MTRF1: variants seen among roughly 807,000 people sequenced by gnomAD.
MTRF1 encodes peptide chain release factor 1, mitochondrial.
Under a neutral mutation model 62.9 loss-of-function variants are expected in MTRF1, and 51 were observed. That is an observed-to-expected ratio of 0.81 (90% CI 0.65 to 1.02). The LOEUF (loss-of-function observed/expected upper bound fraction) is 1.02. Ranked by LOEUF, MTRF1 falls within the 50% of genes least tolerant of loss-of-function variation. The pLI, the probability that MTRF1 is intolerant of heterozygous loss-of-function variation, is 0.00. For synonymous variants in MTRF1, 158 were observed against 181.9 expected (o/e 0.87, Z 1.06); for missense variants, 446 against 530.0 (o/e 0.84, Z 1.56).
At chr13:41,219,759 G>A (rs1347632652) in intron 9 of MTRF1, among the ~76,000 whole-genome samples, 1 of 152,152 alleles carries the variant, frequency 6.6e-6, no homozygotes, top group East Asian at 1.9e-4. Context: ...AGCACTTTGG[G>A]AGGCCAAGAC....
chr13:41,253,069 G>A (rs376593975), intron 3 of MTRF1, 39 bp from the exon 4 acceptor site: 120 of 1,433,848 alleles, frequency 8.4e-5, no homozygotes, highest in Middle Eastern at 1.8e-4. Context: ...TATTTTCCCC[G>A]GTACACTATT....
chr13:41,226,425 A>G lies in MTRF1; in HGVS notation c.1125+7T>C. ...GTCACTAAATTATTATACCAAGTAAATCTTACCTGCAGTTTTCTAGCACTT... is the reference window on the plus strand; with the variant it reads ...GTCACTAAATTATTATACCAAGTAAGTCTTACCTGCAGTTTTCTAGCACTT... On this transcript the variant is annotated splice_region_variant and intron_variant, in intron 8 of 9. Transcript: ENST00000379480. 6.2e-7 allele frequency: 1 copy of G among 1,605,972 alleles called. No homozygotes were observed. The highest frequency in any genetic ancestry group is 8.5e-7 in the Non-Finnish European group (1 of 1,178,296).
At position 41,221,156 on chromosome 13, in the gene MTRF1, C is replaced by CTTT. The variant is rs373390151; in HGVS notation, c.1224+2097_1224+2099dup. 3.5e-3 allele frequency among the ~76,000 whole-genome samples: 495 copies of CTTT among 140,764 alleles called. 6 individuals are homozygous for CTTT. The highest frequency in any genetic ancestry group is 0.012 in the African/African-American group (482 of 38,640). The allele number at this position is 140,764 out of a possible 152,430, so 92.3% of individuals were successfully genotyped here. On this transcript the variant is annotated intron_variant, in intron 9 of 9. Transcript: ENST00000379480. ...TGATTTGGTTCCTAAGTTATTCACT[C>CTTT]TTTTTTTTTTTTTTTTCTGAGACAG...
chr13:41,257,977 C>A (rs1218170480), intron 2 of MTRF1, among the ~76,000 whole-genome samples: 1 of 152,096 alleles, frequency 6.6e-6, no homozygotes, highest in Non-Finnish European at 1.5e-5. Context: ...GTAGTAGAGC[C>A]TTTAGAAATG....
chr13:41,260,937 CTT>C, intron 1 of MTRF1, 22 bp from the exon 2 acceptor site: 1 of 1,458,558 alleles, frequency 6.9e-7, no homozygotes, highest in Admixed American at 2.5e-5. Context: ...TAAACACAGT[CTT>C]TAAAAAAAAA....
chr13:41,225,491 C>G (rs2034236241), intron 8 of MTRF1, among the ~76,000 whole-genome samples: 1 of 152,122 alleles, frequency 6.6e-6, no homozygotes, highest in Non-Finnish European at 1.5e-5. Context: ...TATTATTTAT[C>G]CTGTCACTTT....
chr13:41,255,344 G>A (rs891523814), intron 2 of MTRF1, among the ~76,000 whole-genome samples: 2 of 152,090 alleles, frequency 1.3e-5, no homozygotes, highest in Non-Finnish European at 2.9e-5. Flanking sequence ...AGCCTCCCAG[G>A]TAGCTGAGAT....
the MTRF1 span, among the ~76,000 whole-genome samples, chr13:41,290,374 C>T: frequency 5.5e-4 from 82 of 149,468 alleles, no homozygotes; most frequent in African/African-American, 1.9e-3. Flanking sequence ...GCTGGGATTA[C>T]AGGCGTGAGC....
At chr13:41,288,784 A>G in the MTRF1 span, among the ~76,000 whole-genome samples, 6 of 152,348 alleles carry the variant, frequency 3.9e-5, no homozygotes, top group African/African-American at 1.4e-4. Flanking sequence ...AAGCAAATTC[A>G]TGCAATTTTG....
the MTRF1 span, among the ~76,000 whole-genome samples, chr13:41,273,212 G>C: frequency 6.6e-6 from 1 of 151,890 alleles, no homozygotes; most frequent in South Asian, 2.1e-4. Context: ...TGTAGTCCCA[G>C]TTGCTCGGGA....
chr13:41,256,254 T>A (rs956993526), intron 2 of MTRF1, among the ~76,000 whole-genome samples: 7 of 152,158 alleles, frequency 4.6e-5, no homozygotes, highest in African/African-American at 1.7e-4. Context: ...TAAACCAGAC[T>A]TTAGCAGTTA....
the MTRF1 span, among the ~76,000 whole-genome samples, chr13:41,275,099 T>C: frequency 1.3e-5 from 2 of 152,332 alleles, no homozygotes; most frequent in South Asian, 4.1e-4. Context: ...TCTCGAACAG[T>C]TGTTGGCTGA....
intron 2 of MTRF1, among the ~76,000 whole-genome samples, chr13:41,259,712 A>AAAAAACAAAAACAAAAAAAACC (rs57661393): frequency 4.2e-4 from 57 of 136,714 alleles, no homozygotes; most frequent in Admixed American, 1.5e-4. Context: ...AAAAAAAAAA[A>AAAAAACAAAAACAAAAAAAACC]AAAAAAAAAC....
chr13:41,306,341 G>A, the MTRF1 span, among the ~76,000 whole-genome samples: 2 of 151,324 alleles, frequency 1.3e-5, no homozygotes, highest in East Asian at 1.9e-4. Flanking sequence ...CCGAGATCGC[G>A]CCACTGCACT....
chr13:41,279,555 A>G, the MTRF1 span, among the ~76,000 whole-genome samples: 4 of 152,074 alleles, frequency 2.6e-5, no homozygotes, highest in African/African-American at 9.7e-5. Flanking sequence ...CCAAATTATT[A>G]CCTAAGGGGT....
chr13:41,261,853 T>C (rs1594078695), intron 1 of MTRF1: 3 of 924,028 alleles, frequency 3.2e-6, no homozygotes, highest in Non-Finnish European at 3.9e-6. Context: ...CAAGTATTAA[T>C]AGACCAAGAA....
the MTRF1 span, among the ~76,000 whole-genome samples, chr13:41,299,429 A>G: frequency 6.6e-6 from 1 of 152,158 alleles, no homozygotes; most frequent in Admixed American, 6.5e-5. Flanking sequence ...TAGCTTAGGT[A>G]TTTCAAAGTT....
chr13:41,228,306 C>G (rs989251531), intron 7 of MTRF1, among the ~76,000 whole-genome samples: 5 of 152,170 alleles, frequency 3.3e-5, no homozygotes, highest in Admixed American at 6.5e-5. Flanking sequence ...ATGGCTCACA[C>G]CGGCAACCCC....
At chr13:41,301,610 T>A in the MTRF1 span, among the ~76,000 whole-genome samples, 1 of 152,172 alleles carries the variant, frequency 6.6e-6, no homozygotes, top group East Asian at 1.9e-4. Context: ...TAGCCGGATG[T>A]GGTGGTGGGC....
Sources: allele counts gnomAD v4.1 joint callset (sites outside exome capture counted in the v4.1 genomes callset), GRCh38; gene constraint gnomAD v4.1.1; transcripts MANE v1.5; gene names NCBI Gene and HGNC (gene_info 2026-07-23, HGNC 2026-07-21).